SKP2: variants seen among roughly 807,000 people sequenced by gnomAD.
SKP2 encodes S-phase kinase-associated protein 2.
Under a neutral mutation model 51.8 loss-of-function variants are expected in SKP2, and 16 were observed. The ratio of observed to expected loss-of-function variants is 0.31; its 90% confidence interval spans 0.21 to 0.47. The LOEUF is 0.47. SKP2 is among the 20% of genes least tolerant of loss of function. The probability of loss-of-function intolerance (pLI) is 1.00; values close to 1 mark genes in which losing one functional copy is unlikely to be tolerated. For synonymous variants in SKP2, 176 were observed against 198.6 expected (o/e 0.89, Z 0.96); for missense variants, 377 against 505.3 (o/e 0.75, Z 2.43).
At chr5:36,168,233 G>T in intron 4 of SKP2, 80 bp from the exon 5 acceptor site, 2 of 1,351,070 alleles carry the variant, frequency 1.5e-6, no homozygotes, top group Non-Finnish European at 2.1e-6. Context: ...TGCTCATTTG[G>T]GGAGAAGAGG....
intron 9 of SKP2, among the ~76,000 whole-genome samples, chr5:36,179,151 T>C (rs1745726808): frequency 6.6e-6 from 1 of 152,208 alleles, no homozygotes; most frequent in Non-Finnish European, 1.5e-5. Context: ...TATATTTCTT[T>C]AGGTATTGTG....
intron 2 of SKP2, 58 bp downstream of exon 2, chr5:36,153,100 T>C: frequency 6.5e-7 from 1 of 1,531,062 alleles, no homozygotes; most frequent in African/African-American, 1.4e-5. Flanking sequence ...GCTATGTTGT[T>C]GGGAAACCTT....
intron 2 of SKP2, among the ~76,000 whole-genome samples, chr5:36,160,998 C>T (rs1254232078): frequency 1.3e-5 from 2 of 152,114 alleles, no homozygotes; most frequent in Admixed American, 6.6e-5. Flanking sequence ...GTATCTCCTA[C>T]TCATTCTTCA....
intron 2 of SKP2, among the ~76,000 whole-genome samples, chr5:36,156,149 T>C (rs139383128): frequency 6.1e-4 from 93 of 152,308 alleles, no homozygotes; most frequent in African/African-American, 2.1e-3. Context: ...CCAATGTACG[T>C]GGACTTACAA....
chr5:36,166,435 T>C, intron 3 of SKP2, 84 bp from the exon 4 acceptor site: 1 of 1,142,292 alleles, frequency 8.8e-7, no homozygotes, highest in Non-Finnish European at 1.3e-6. Flanking sequence ...TTAGCAGCAG[T>C]GTCCTACCTG....
chr5:36,183,302 T>A lies in SKP2; in HGVS notation c.*1271T>A. 3 of 652,810 alleles carry A rather than the reference T, an allele frequency of 4.6e-6. No homozygotes were observed. The highest frequency in any genetic ancestry group is 5.7e-6 in the Non-Finnish European group (3 of 526,816). The allele number at this position is 652,810 out of a possible 1,614,324, so 40.4% of individuals were successfully genotyped here. A position where few individuals can be genotyped will look rare whatever the true frequency, so the allele number is the denominator to read the frequency against. On this transcript the variant is annotated 3_prime_UTR_variant, in exon 10 of 10. Transcript: ENST00000274255. ...TTTTTTTTGAGACGGAGTCTCGCTC[T>A]GTCACCAAGGCCGGAGTGCAGTGGT... is the stretch of plus-strand genomic sequence containing the variant.
chr5:36,170,554 T>C, intron 6 of SKP2, 112 bp downstream of exon 6: 1 of 622,574 alleles, frequency 1.6e-6, no homozygotes, highest in Non-Finnish European at 2.7e-6. Flanking sequence ...TTCCAGGCTC[T>C]TGATTTGGTG....
chr5:36,190,231 ACCCACTGTC>A (rs1745995354), intron 6 of SKP2, among the ~76,000 whole-genome samples: 1 of 150,654 alleles, frequency 6.6e-6, no homozygotes, highest in Non-Finnish European at 1.5e-5. Context: ...ACTGTCCTGC[ACCCACTGTC>A]CGACACCCCC....
intron 7 of SKP2, among the ~76,000 whole-genome samples, chr5:36,176,516 G>A (rs1255776632): frequency 6.6e-6 from 1 of 151,512 alleles, no homozygotes; most frequent in Non-Finnish European, 1.5e-5. Context: ...TATGTGGAAT[G>A]TATTTAAATA....
At chr5:36,185,747 G>A (rs558176530), downstream of SKP2, among the ~76,000 whole-genome samples, 1 of 152,140 alleles carries the variant, frequency 6.6e-6, no homozygotes, top group East Asian at 1.9e-4. Flanking sequence ...CTCTTTTTTG[G>A]TTCCATATGA....
chr5:36,172,198 G>A (rs576400794), intron 7 of SKP2, among the ~76,000 whole-genome samples: 16 of 152,278 alleles, frequency 1.1e-4, no homozygotes, highest in African/African-American at 3.1e-4. Flanking sequence ...GCTGGTGGAC[G>A]GTGTATAGGA....
rs568434169 is a variant in SKP2 at position 36,189,403 on chromosome 5, G to A, written c.633-3218G>A. ...ATGGTGACGTACAGATGGGTTTTTGGTGTGGATGTCCTTTCTGTTAGTGTT... is the reference window on the plus strand; with the variant it reads ...ATGGTGACGTACAGATGGGTTTTTGATGTGGATGTCCTTTCTGTTAGTGTT... On this transcript the variant is annotated intron_variant, in intron 6 of 7. Transcript: ENST00000677886. Among the ~76,000 whole-genome samples, 15 of 152,240 alleles carry A rather than the reference G, an allele frequency of 9.9e-5. No individual in the cohort carries two copies. In the South Asian group the frequency reaches 2.9e-3, roughly 29 times the overall value.
intron 7 of SKP2, among the ~76,000 whole-genome samples, chr5:36,173,154 T>C (rs1745527019): frequency 6.6e-6 from 1 of 152,078 alleles, no homozygotes; most frequent in Non-Finnish European, 1.5e-5. Context: ...TATGTGATAG[T>C]CCATCAAATA....
At chr5:36,191,165 T>C (rs1746015457) in intron 6 of SKP2, among the ~76,000 whole-genome samples, 1 of 152,140 alleles carries the variant, frequency 6.6e-6, no homozygotes, top group African/African-American at 2.4e-5. Flanking sequence ...TGGTTAGATC[T>C]AGCAACAAAA....
chr5:36,176,422 CTGAATTATTT>C (rs1286628172), intron 7 of SKP2, among the ~76,000 whole-genome samples: 1 of 151,036 alleles, frequency 6.6e-6, no homozygotes, highest in Non-Finnish European at 1.5e-5. Context: ...AATAATTACC[CTGAATTATTT>C]ATTTAGTAAT....
intron 9 of SKP2, 52 bp from the exon 10 acceptor site, chr5:36,181,765 CA>C: frequency 6.3e-7 from 1 of 1,597,444 alleles, no homozygotes; most frequent in Non-Finnish European, 8.5e-7. Context: ...TAACTCTAGT[CA>C]AACAGTTTCC....
rs537995158 is a variant in SKP2, at chr5:36,170,326, G to A, written c.672-18G>A. Reference sequence around the variant, plus strand: ...GTCTTACTGGTCTTTTTCTTCTGACGTTTTTCTCTTTTTCCAGTACTCTCG... The same window carrying A: ...GTCTTACTGGTCTTTTTCTTCTGACATTTTTCTCTTTTTCCAGTACTCTCG... On this transcript the variant is annotated intron_variant, in intron 5 of 9. Coordinates refer to ENST00000274255, the MANE Select transcript of SKP2 (RefSeq NM_005983.4). 5.4e-6 allele frequency: 8 copies of A among 1,487,920 alleles called. No homozygotes were observed. Among genetic ancestry groups the A allele is most frequent in the African/African-American group, 1.4e-5 (1 of 72,102 alleles). The allele number at this position is 1,487,920 out of a possible 1,614,324, so 92.2% of individuals were successfully genotyped here. A position where few individuals can be genotyped will look rare whatever the true frequency, so the allele number is the denominator to read the frequency against.
At chr5:36,190,683 C>CAAAAAAAAAAAAAAAAAAAAGAAAAAAAA (rs1746002634) in intron 6 of SKP2, among the ~76,000 whole-genome samples, 1 of 81,190 alleles carries the variant, frequency 1.2e-5, no homozygotes. Context: ...CAAACATATG[C>CAAAAAAAAAAAAAAAAAAAAGAAAAAAAA]AAAAAAAAAA....
Position 36,182,939 on chromosome 5 carries a change from G to A in SKP2, c.*908G>A, listed in dbSNP as rs187512088. On this transcript the variant is annotated 3_prime_UTR_variant, in exon 10 of 10. Coordinates refer to ENST00000274255, the MANE Select transcript of SKP2 (RefSeq NM_005983.4). ...AAGTTGCCTGCTGTTTTCCTTTAGC[G>A]CTGAGGTTCTTAAGGTTACTTTTAT... 131 of 975,988 alleles carry A rather than the reference G, an allele frequency of 1.3e-4. No homozygotes were observed. The African/African-American group carries it at 1.9e-3, about 14-fold the overall frequency. The allele number at this position is 975,988 out of a possible 1,614,324, so 60.5% of individuals were successfully genotyped here.
Sources: allele counts gnomAD v4.1 joint callset (sites outside exome capture counted in the v4.1 genomes callset), GRCh38; gene constraint gnomAD v4.1.1; transcripts MANE v1.5; gene names NCBI Gene and HGNC (gene_info 2026-07-23, HGNC 2026-07-21).